Variants in LOC128092252 observed in about 807,000 individuals in gnomAD.
chr15:50,657,401 G>A, the LOC128092252 span, among the ~76,000 whole-genome samples: 1,527 of 152,228 alleles, frequency 0.01, 33 homozygotes, highest in African/African-American at 0.035. Context: ...AAAAGCATGT[G>A]CAACAAAAAG....
chr15:50,655,077 AAC>A, the LOC128092252 span, among the ~76,000 whole-genome samples: 2 of 148,436 alleles, frequency 1.3e-5, no homozygotes, highest in East Asian at 3.9e-4. Context: ...AATAAGAGTG[AAC>A]CTGAAGACAT....
chr15:50,658,845 A>G, the LOC128092252 span, among the ~76,000 whole-genome samples: 1 of 152,242 alleles, frequency 6.6e-6, no homozygotes, highest in Non-Finnish European at 1.5e-5. Flanking sequence ...AAAATGTTCA[A>G]TAAGAGATTA....
the LOC128092252 span, among the ~76,000 whole-genome samples, chr15:50,653,715 T>C: frequency 1.3e-5 from 2 of 152,236 alleles, no homozygotes; most frequent in East Asian, 1.9e-4. Flanking sequence ...AGTTGGAATT[T>C]GTAGCAGAGT....
chr15:50,655,441 A>AC, the LOC128092252 span, among the ~76,000 whole-genome samples: 1 of 149,076 alleles, frequency 6.7e-6, no homozygotes, highest in Non-Finnish European at 1.5e-5. Flanking sequence ...TCAAAGGAAA[A>AC]AAAAAACAAA....
the LOC128092252 span, among the ~76,000 whole-genome samples, chr15:50,682,815 T>C: frequency 1.3e-5 from 2 of 152,074 alleles, no homozygotes; most frequent in Admixed American, 1.3e-4. Context: ...TTCACATAAA[T>C]GACTCAGTTA....
the LOC128092252 span, among the ~76,000 whole-genome samples, chr15:50,685,154 CTT>C: frequency 6.6e-6 from 1 of 152,214 alleles, no homozygotes; most frequent in South Asian, 2.1e-4. Flanking sequence ...TACAATGTAT[CTT>C]TGCAAGTTTG....
At chr15:50,674,920 T>C in the LOC128092252 span, among the ~76,000 whole-genome samples, 3 of 152,216 alleles carry the variant, frequency 2.0e-5, no homozygotes, top group South Asian at 4.1e-4. Flanking sequence ...TTGTTTCTCA[T>C]TGGCAAATCC....
the LOC128092252 span, among the ~76,000 whole-genome samples, chr15:50,663,667 C>T: frequency 6.6e-6 from 1 of 152,198 alleles, no homozygotes; most frequent in Admixed American, 6.5e-5. Flanking sequence ...GGGATATGAG[C>T]CATTTAAAAG....
chr15:50,667,520 G>A, the LOC128092252 span, among the ~76,000 whole-genome samples: 5 of 152,072 alleles, frequency 3.3e-5, no homozygotes, highest in East Asian at 3.9e-4. Context: ...CAGCCTGGCC[G>A]ACATGTAAAA....
At chr15:50,674,329 A>G in the LOC128092252 span, among the ~76,000 whole-genome samples, 1 of 152,062 alleles carries the variant, frequency 6.6e-6, no homozygotes, top group African/African-American at 2.4e-5. Flanking sequence ...ATGAGGTTTC[A>G]CCATGTTGGT....
chr15:50,679,266 T>C, the LOC128092252 span, among the ~76,000 whole-genome samples: 30 of 150,510 alleles, frequency 2.0e-4, no homozygotes, highest in Admixed American at 1.9e-3. Flanking sequence ...GCCTAGGAGG[T>C]TGGGAATACA....
the LOC128092252 span, among the ~76,000 whole-genome samples, chr15:50,681,401 C>A: frequency 7.9e-5 from 12 of 152,074 alleles, no homozygotes; most frequent in Non-Finnish European, 1.5e-4. Flanking sequence ...CTTCCGGGTA[C>A]TGGGTATGAT....
At chr15:50,686,621 G>A in the LOC128092252 span, 1 of 1,561,394 alleles carries the variant, frequency 6.4e-7, no homozygotes, top group Non-Finnish European at 8.7e-7. Context: ...AGCGTCTCCG[G>A]AGGCGGCAGC....
At chr15:50,653,172 C>CG in the LOC128092252 span, among the ~76,000 whole-genome samples, 2 of 152,086 alleles carry the variant, frequency 1.3e-5, no homozygotes, top group African/African-American at 4.8e-5. Flanking sequence ...AAAAAAGAAA[C>CG]GGACGTGGTG....
the LOC128092252 span, among the ~76,000 whole-genome samples, chr15:50,655,505 G>A: frequency 4.7e-5 from 7 of 149,388 alleles, no homozygotes; most frequent in Non-Finnish European, 7.4e-5. Context: ...AAATATTTAC[G>A]CAAGCAGAAT....
chr15:50,666,726 T>C, the LOC128092252 span, among the ~76,000 whole-genome samples: 2 of 151,650 alleles, frequency 1.3e-5, no homozygotes, highest in Non-Finnish European at 2.9e-5. Context: ...TGCTTGAACC[T>C]GGGAAGCAGA....
At chr15:50,660,346 T>C in the LOC128092252 span, among the ~76,000 whole-genome samples, 2 of 152,098 alleles carry the variant, frequency 1.3e-5, no homozygotes, top group African/African-American at 4.8e-5. Context: ...ATTTAAAATA[T>C]ATACTATTAT....
chr15:50,685,266 C>T, the LOC128092252 span, among the ~76,000 whole-genome samples: 2 of 152,222 alleles, frequency 1.3e-5, no homozygotes, highest in South Asian at 4.1e-4. Flanking sequence ...AATTAAGAGA[C>T]GAGCCTGCCA....
chr15:50,651,618 A>ATT, the LOC128092252 span, among the ~76,000 whole-genome samples: 1 of 152,188 alleles, frequency 6.6e-6, no homozygotes, highest in African/African-American at 2.4e-5. Context: ...CAACATAGTA[A>ATT]GACTCTGTCT....
Sources: allele counts gnomAD v4.1 joint callset (sites outside exome capture counted in the v4.1 genomes callset), GRCh38; gene constraint gnomAD v4.1.1; transcripts MANE v1.5.